WASHC2A: variants seen among roughly 807,000 people sequenced by gnomAD.
The protein encoded by WASHC2A is WASH complex subunit FAM21A.
WASHC2A carries 82 observed loss-of-function variants against 140.3 expected under a neutral mutation model. The ratio of observed to expected loss-of-function variants is 0.58; its 90% CI spans 0.49 to 0.70. WASHC2A has a LOEUF of 0.70. Ranked by LOEUF, WASHC2A falls within the 30% of genes least tolerant of loss-of-function variation. The pLI, the probability that WASHC2A is intolerant of heterozygous loss-of-function variation, is 0.00. For missense variants in WASHC2A, 985 were observed against 1,521.8 expected (o/e 0.65, Z 5.87); for synonymous variants, 340 against 560.8 (o/e 0.61, Z 5.56).
intron 14 of WASHC2A, among the ~76,000 whole-genome samples, 180 bp from the exon 15 acceptor site, chr10:50,095,419 C>G (rs1374681621): frequency 2.0e-5 from 3 of 152,150 alleles, no homozygotes; most frequent in African/African-American, 7.2e-5. Flanking sequence ...TTGAGCTGAC[C>G]TGGTGATTCT....
intron 3 of WASHC2A, among the ~76,000 whole-genome samples, chr10:50,074,649 G>T (rs528557911): frequency 1.8e-4 from 27 of 152,088 alleles, no homozygotes; most frequent in African/African-American, 6.3e-4. Flanking sequence ...GGCCGGGTGC[G>T]GTGGCTCACG....
rs1843563396 is a variant in WASHC2A, at chr10:50,127,774, C to T, written c.3066C>T (p.Asp1022=). The change falls in exon 28 of 31, where the codon GAC becomes GAT. Residue 1022 remains aspartate, a synonymous_variant. Coordinates refer to ENST00000282633, the MANE Select transcript of WASHC2A (RefSeq NM_001005751.3). ...GVSFDLPAQA[D]TLHSANKSRV... ...GTTTTGATCTTCCAGCTCAGGCAGA[C>T]ACCTTACACAGTGCAAACAAGGTGA... 4.6e-6 allele frequency: 7 copies of T among 1,519,580 alleles called. No individual in the cohort carries two copies. Among genetic ancestry groups the T allele is most frequent in the Non-Finnish European group, 6.3e-6 (7 of 1,118,984 alleles). The allele number at this position is 1,519,580 out of a possible 1,614,324, so 94.1% of individuals were successfully genotyped here.
At chr10:50,094,568 G>A (rs1554884069) in intron 13 of WASHC2A, among the ~76,000 whole-genome samples, 1 of 152,240 alleles carries the variant, frequency 6.6e-6, no homozygotes, top group East Asian at 1.9e-4. Flanking sequence ...GGGAATTAGT[G>A]ATTCTAAGTG....
At chr10:50,126,978 G>C (rs1310978947) in intron 26 of WASHC2A, among the ~76,000 whole-genome samples, 182 bp from the exon 27 acceptor site, 1 of 152,144 alleles carries the variant, frequency 6.6e-6, no homozygotes, top group African/African-American at 2.4e-5. Flanking sequence ...TGACAGAGGA[G>C]GAGGCATACG....
At chr10:50,105,232 G>C (rs1285927888) in intron 18 of WASHC2A, among the ~76,000 whole-genome samples, 2 of 151,728 alleles carry the variant, frequency 1.3e-5, no homozygotes, top group African/African-American at 4.9e-5. Context: ...CAGTGGGGAA[G>C]AGAAATAAGA....
rs1164086873 is a variant in WASHC2A at position 50,107,590 on chromosome 10, T to G, written c.1869+1125T>G. 2.9e-3 allele frequency among the ~76,000 whole-genome samples: 435 copies of G among 149,042 alleles called. 7 individuals carry two copies. The highest frequency in any genetic ancestry group is 0.01 in the African/African-American group (409 of 39,568). ...TGTTCATGTTCTTACTGAAAGCAAT[T>G]TAAAAATTCCGAAGCAGATTGCAAA... is the stretch of plus-strand genomic sequence containing the variant. On this transcript the variant is annotated intron_variant, in intron 19 of 30. Transcript: ENST00000282633.
At chr10:50,092,581 C>G (rs1346434949) in intron 11 of WASHC2A, among the ~76,000 whole-genome samples, 4 of 151,898 alleles carry the variant, frequency 2.6e-5, no homozygotes, top group Non-Finnish European at 5.9e-5. Flanking sequence ...CACTTGAACC[C>G]GGGAGGCAGA....
At chr10:50,072,254 G>T (rs1444021286) in intron 3 of WASHC2A, among the ~76,000 whole-genome samples, 26 of 150,304 alleles carry the variant, frequency 1.7e-4, no homozygotes, top group Admixed American at 3.3e-4. Context: ...TCGGCCCTTA[G>T]TGTTAAGTCT....
At chr10:50,123,318 C>T (rs1442372653) in intron 23 of WASHC2A, among the ~76,000 whole-genome samples, 3 of 130,024 alleles carry the variant, frequency 2.3e-5, no homozygotes, top group Admixed American at 8.3e-5. Context: ...CAGCATTATT[C>T]GTAATAGCCA....
chr10:50,078,636 G>T, intron 3 of WASHC2A, 39 bp from the exon 4 acceptor site: 4 of 1,611,706 alleles, frequency 2.5e-6, no homozygotes, highest in Non-Finnish European at 3.4e-6. Flanking sequence ...TTCCAATGAC[G>T]TGTTGACCTT....
At chr10:50,110,363 A>G (rs1842178250) in intron 20 of WASHC2A, 93 bp downstream of exon 20, 15 of 1,556,842 alleles carry the variant, frequency 9.6e-6, no homozygotes, top group Non-Finnish European at 1.2e-5. Context: ...GGTGATTGCT[A>G]ATCATGGATC....
chr10:50,069,766 T>C, intron 3 of WASHC2A, 55 bp downstream of exon 3: 1 of 1,533,132 alleles, frequency 6.5e-7, no homozygotes, highest in South Asian at 1.3e-5. Flanking sequence ...GATATTGTAA[T>C]TTTAAATAAC....
intron 4 of WASHC2A, among the ~76,000 whole-genome samples, chr10:50,080,291 C>T (rs1478775447): frequency 1.6e-4 from 24 of 152,000 alleles, no homozygotes; most frequent in African/African-American, 4.8e-4. Context: ...TTGTAATTGT[C>T]CAGTATTTTT....
chr10:50,111,309 C>T lies in WASHC2A; in HGVS notation c.2039+1039C>T, dbSNP rs563210124. ...CGTCAGGTTTCTGTCTCCAAATACT[C>T]GAATCTTGTCAAGCATCACCATTTC... On this transcript the variant is annotated intron_variant, in intron 20 of 30. Transcript: ENST00000282633. Among the ~76,000 whole-genome samples the T allele has an allele frequency of 1.8e-3, 259 of 144,922 alleles. 1 individual carries two copies. Among genetic ancestry groups the T allele is most frequent in the African/African-American group, 5.7e-3 (233 of 40,610 alleles).
chr10:50,086,699 G>T (rs1839418614), intron 7 of WASHC2A, among the ~76,000 whole-genome samples: 2 of 130,598 alleles, frequency 1.5e-5, no homozygotes, highest in Non-Finnish European at 1.6e-5. Context: ...TGCGGTGTTT[G>T]GTTTTTTGTT....
chr10:50,110,541 G>A (rs1453792230), intron 20 of WASHC2A, among the ~76,000 whole-genome samples: 1 of 151,408 alleles, frequency 6.6e-6, no homozygotes, highest in African/African-American at 2.4e-5. Flanking sequence ...AGTATCTTTT[G>A]TTTGTGATTT....
At chr10:50,101,927 C>T (rs1841230737) in intron 17 of WASHC2A, among the ~76,000 whole-genome samples, 1 of 152,132 alleles carries the variant, frequency 6.6e-6, no homozygotes, top group Admixed American at 6.5e-5. Context: ...CTCTTACATG[C>T]TGGCTCAGGG....
chr10:50,084,066 G>A lies in WASHC2A; in HGVS notation c.529-6G>A. On this transcript the variant is annotated splice_region_variant and splice_polypyrimidine_tract_variant and intron_variant, in intron 5 of 30. Coordinates refer to ENST00000282633, the MANE Select transcript of WASHC2A (RefSeq NM_001005751.3). ...TTTGACAGCCTATTCCTTTCATGAT[G>A]TACAGGATCTATACATTGATCGTCC... 6.2e-7 allele frequency: 1 copy of A among 1,611,276 alleles called. No homozygotes were observed. Among genetic ancestry groups the A allele is most frequent in the Non-Finnish European group, 8.5e-7 (1 of 1,179,800 alleles).
intron 17 of WASHC2A, among the ~76,000 whole-genome samples, chr10:50,103,157 T>G (rs1352449966): frequency 4.6e-5 from 7 of 151,932 alleles, no homozygotes; most frequent in Admixed American, 4.6e-4. Context: ...GCTGAAAGTT[T>G]CTTTAGAATC....
Sources: gnomAD v4.1 joint callset for allele counts (sites outside exome capture counted in the v4.1 genomes callset) on GRCh38, gnomAD v4.1.1 for gene constraint, MANE v1.5 for transcripts, NCBI Gene and HGNC (gene_info 2026-07-23, HGNC 2026-07-21) for gene names.